The following TLR1 variants were observed in gnomAD, a reference collection of about 807,000 sequenced individuals.
TLR1 encodes toll-like receptor 1.
In TLR1, 19 loss-of-function variants were observed where a neutral mutation model predicts 20.2. The ratio of observed to expected loss-of-function variants is 0.94; its 90% CI spans 0.66 to 1.38. The LOEUF (loss-of-function observed/expected upper bound fraction) is 1.38. Ranked by LOEUF, TLR1 falls within the 40% of genes most tolerant of loss-of-function variation. TLR1 has a pLI of 0.00. For synonymous variants in TLR1, 320 were observed against 334.5 expected, an observed-to-expected ratio of 0.96 and a Z score of 0.47; for missense variants, 921 against 910.0, an observed-to-expected ratio of 1.01 and a Z score of -0.16.
Position 38,797,928 on chromosome 4 carries a change from A to G in TLR1, c.904T>C (p.Leu302=). Residue 302 remains leucine (L), a synonymous_variant, in exon 4 of 4, where the codon TTG becomes CTG. Coordinates refer to ENST00000308979, the MANE Select transcript of TLR1 (RefSeq NM_003263.4). ...FDYSGTSLKA[L]SIHQVVSDVF... is the part of the protein sequence containing the mutation. Reference sequence around the variant, plus strand: ...TCGCTGACAACTTGGTGTATAGACAAGGCCTTCAAGGAAGTGCCAGAATAA... The same window carrying G: ...TCGCTGACAACTTGGTGTATAGACAGGGCCTTCAAGGAAGTGCCAGAATAA... 2 of 1,614,188 alleles carry G rather than the reference A, an allele frequency of 1.2e-6. No individual in the cohort carries two copies. The highest frequency in any genetic ancestry group is 1.7e-6 in the Non-Finnish European group (2 of 1,180,022).
chr4:38,800,077 G>T (rs1384812030), intron 3 of TLR1, among the ~76,000 whole-genome samples: 1 of 152,152 alleles, frequency 6.6e-6, no homozygotes, highest in Admixed American at 6.5e-5. Flanking sequence ...GTTAGAGAAG[G>T]CCTTTTTGAG....
chr4:38,798,023 T>A lies in TLR1; in HGVS notation c.809A>T (p.His270Leu). The change falls in exon 4 of 4, where the codon CAT (histidine) becomes CTT (leucine). Residue 270 changes from histidine (H) to leucine (L), a missense_variant. Transcript: ENST00000308979. ...SFIRILQLVWHTTVWYFSISN... is the reference protein window; with the variant it reads ...SFIRILQLVWLTTVWYFSISN... ...AATTGAGAAATACCATACAGTTGTA[T>A]GCCAAACCAGCTGGAGGATCCTAAT... 1.9e-6 allele frequency: 3 copies of A among 1,614,184 alleles called. No individual in the cohort carries two copies. The South Asian group carries it at 3.3e-5, about 18-fold the overall frequency.
chr4:38,791,086 C>T (rs2109335030), exon 4 of TLR1: 1 of 152,320 alleles, frequency 6.6e-6, no homozygotes, highest in Admixed American at 6.5e-5. Flanking sequence ...AAGTCCATCA[C>T]ACAGTTCCAG....
At chr4:38,800,666 C>T (rs1385134476) in intron 3 of TLR1, 191 bp downstream of exon 3, 1 of 152,606 alleles carries the variant, frequency 6.6e-6, no homozygotes, top group African/African-American at 2.4e-5. Flanking sequence ...TCAAAATCCC[C>T]TAGAACCATT....
At chr4:38,789,867 G>A (rs1254701030), downstream of TLR1, among the ~76,000 whole-genome samples, 1 of 152,168 alleles carries the variant, frequency 6.6e-6, no homozygotes, top group Non-Finnish European at 1.5e-5. Flanking sequence ...TATGATCTAT[G>A]TAATGTTGGG....
chr4:38,797,046 TCACAGC>T lies in TLR1; in HGVS notation c.1780_1785del (p.Ala594_Val595del), dbSNP rs770960887. ...AAGTAGCTGCAGAGGGAGGTCACAG[TCACAGC>T]CAACACCAGCATGGTGGCAACGATG... On this transcript the variant is annotated inframe_deletion, in exon 4 of 4. Transcript: ENST00000308979. The T allele has an allele frequency of 9.4e-5, 151 of 1,614,046 alleles. No homozygotes were observed. The highest frequency in any genetic ancestry group is 1.2e-4 in the Non-Finnish European group (144 of 1,180,046).
At chr4:38,792,253 T>C (rs1247274235), downstream of TLR1, among the ~76,000 whole-genome samples, 6 of 152,214 alleles carry the variant, frequency 3.9e-5, no homozygotes, top group Non-Finnish European at 4.4e-5. Context: ...ATTGTTCCAC[T>C]GGAGAGACCT....
At chr4:38,791,495 C>T (rs1332621460), downstream of TLR1, among the ~76,000 whole-genome samples, 29 of 152,186 alleles carry the variant, frequency 1.9e-4, no homozygotes, top group Non-Finnish European at 7.4e-5. Context: ...TAACAGTTTA[C>T]TTCCCAATTT....
Position 38,798,401 on chromosome 4 carries a change from A to G in TLR1, c.431T>C (p.Leu144Pro), listed in dbSNP as rs117033348. The G allele has an allele frequency of 7.1e-4, 1,142 of 1,613,740 alleles. 19 individuals carry two copies. In the East Asian group the frequency reaches 0.025, roughly 36 times the overall value. ...TTCTAAGTGTGTGGTGCTCAACCCC[A>G]GAAATTTTAGTTGAGACATATTGCC... is the stretch of plus-strand genomic sequence containing the variant. The part of the protein sequence containing the change: ...EFGNMSQLKF[L>P]GLSTTHLEKS... Residue 144 changes from leucine (L) to proline (P), a missense_variant, in exon 4 of 4, where the codon CTG becomes CCG. Physicochemically the swap from Leu to Pro is moderately conservative, Grantham distance 98. Transcript: ENST00000308979.
At chr4:38,792,853 T>TTACATATATATATATATATATATA (rs1725795710), downstream of TLR1, among the ~76,000 whole-genome samples, 1 of 122,218 alleles carries the variant, frequency 8.2e-6, no homozygotes, top group Non-Finnish European at 1.8e-5. Context: ...TATTTTCAAA[T>TTACATATATATATATATATATATA]TATATATATA....
At chr4:38,788,504 C>T (rs2109333226), downstream of TLR1, among the ~76,000 whole-genome samples, 1 of 152,284 alleles carries the variant, frequency 6.6e-6, no homozygotes, top group East Asian at 1.9e-4. Flanking sequence ...TGTTTGCATC[C>T]AAGCCACATG....
Position 38,798,866 on chromosome 4 carries a change from G to A in TLR1, c.-35C>T. ...CTAGACATTCCTAAAGGTAGAAGCT[G>A]TTCTTCAGATCATCTTGATACAGAT... is the stretch of plus-strand genomic sequence containing the variant. On this transcript the variant is annotated 5_prime_UTR_variant, in exon 4 of 4. Transcript: ENST00000308979. 1.4e-6 allele frequency: 2 copies of A among 1,452,658 alleles called. No individual in the cohort carries two copies. The highest frequency in any genetic ancestry group is 2.7e-5 in the South Asian group (2 of 74,296). The allele number at this position is 1,452,658 out of a possible 1,614,324, so 90.0% of individuals were successfully genotyped here.
Position 38,796,309 on chromosome 4 carries a change from C to T in TLR1, c.*162G>A. On this transcript the variant is annotated 3_prime_UTR_variant, in exon 4 of 4. Coordinates refer to ENST00000308979, the MANE Select transcript of TLR1 (RefSeq NM_003263.4). ...TATATCATTTCATTAATTTTTAATA[C>T]CACATATAAATGGTGAACTGCGACC... is the stretch of plus-strand genomic sequence containing the variant. The T allele has an allele frequency of 2.9e-6, 2 of 699,378 alleles. No individual in the cohort carries two copies. The highest frequency in any genetic ancestry group is 4.6e-6 in the Non-Finnish European group (2 of 433,228). The allele number at this position is 699,378 out of a possible 1,614,324, so 43.3% of individuals were successfully genotyped here.
downstream of TLR1, among the ~76,000 whole-genome samples, chr4:38,795,671 C>T (rs369280487): frequency 3.3e-4 from 51 of 152,244 alleles, no homozygotes; most frequent in African/African-American, 1.2e-3. Context: ...GACAAATATT[C>T]AGTGGCAAGT....
In TLR1 at chr4:38,798,046, A is replaced by C. The variant is rs1292687914; in HGVS notation, c.786T>G (p.Ile262Met). The change falls in exon 4 of 4, where the codon ATT (isoleucine) becomes ATG (methionine). Residue 262 changes from isoleucine to methionine, a missense_variant. Transcript: ENST00000308979. ...TATGCCAAACCAGCTGGAGGATCCT[A>C]ATGAAAGAATTCCAAGTTGTTTCAA... Reference protein sequence around the residue: ...NNIETTWNSFIRILQLVWHTT... With the variant: ...NNIETTWNSFMRILQLVWHTT... The C allele has an allele frequency of 1.2e-6, 2 of 1,614,006 alleles. No homozygotes were observed. The highest frequency in any genetic ancestry group is 1.1e-5 in the South Asian group (1 of 91,068).
Position 38,798,385 on chromosome 4 carries a change from T to C in TLR1, c.447A>G (p.Thr149=). 6.2e-7 allele frequency: 1 copy of C among 1,613,820 alleles called. No individual in the cohort carries two copies. The highest frequency in any genetic ancestry group is 8.5e-7 in the Non-Finnish European group (1 of 1,179,862). The change falls in exon 4 of 4, where the codon ACA becomes ACG. Residue 149 remains threonine (T), a synonymous_variant. Transcript: ENST00000308979. ...GCAGCACACTAGATTTTTCTAAGTGTGTGGTGCTCAACCCCAGAAATTTTA... is the reference window on the plus strand; with the variant it reads ...GCAGCACACTAGATTTTTCTAAGTGCGTGGTGCTCAACCCCAGAAATTTTA... ...SQLKFLGLST[T]HLEKSSVLPI... is the part of the protein sequence containing the mutation.
downstream of TLR1, among the ~76,000 whole-genome samples, chr4:38,793,596 A>G (rs536952838): frequency 6.6e-6 from 1 of 152,312 alleles, no homozygotes; most frequent in South Asian, 2.1e-4. Context: ...AGCATCCTTA[A>G]AACCACTTAT....
rs1481800597 is a variant in TLR1, at chr4:38,797,664, T to C, written c.1168A>G (p.Ile390Val). 17 of 1,613,806 alleles carry C rather than the reference T, an allele frequency of 1.1e-5. No homozygotes were observed. The highest frequency in any genetic ancestry group is 1.3e-5 in the Non-Finnish European group (15 of 1,179,988). ...QMNQLKELSK[I>V]AEMTTQMKSL... ...TTCATCTGTGTAGTCATTTCAGCTA[T>C]TTTTGAAAGTTCTTTTAATTGATTC... The change falls in exon 4 of 4, where the codon ATA becomes GTA. Residue 390 changes from isoleucine to valine, a missense_variant. Physicochemically the swap from Ile to Val is conservative, Grantham distance 29 (BLOSUM62 3). Coordinates refer to ENST00000308979, the MANE Select transcript of TLR1 (RefSeq NM_003263.4).
Position 38,798,203 on chromosome 4 carries a change from A to C in TLR1, c.629T>G (p.Val210Gly). Residue 210 changes from valine (V) to glycine (G), a missense_variant, in exon 4 of 4, where the codon GTC becomes GGC. Transcript: ENST00000308979. ...TAGTTCCAGATTTGCTACAGTCTTGACTGACACATCCAAAATAAAATGGAA... is the reference window on the plus strand; with the variant it reads ...TAGTTCCAGATTTGCTACAGTCTTGCCTGACACATCCAAAATAAAATGGAA... The part of the protein sequence containing the change: ...KEFHFILDVS[V>G]KTVANLELSN... The C allele has an allele frequency of 6.2e-7, 1 of 1,614,054 alleles. No homozygotes were observed. The highest frequency in any genetic ancestry group is 8.5e-7 in the Non-Finnish European group (1 of 1,179,944).
Sources: gnomAD v4.1 joint callset for allele counts (sites outside exome capture counted in the v4.1 genomes callset) on GRCh38, gnomAD v4.1.1 for gene constraint, MANE v1.5 for transcripts, NCBI Gene and HGNC (gene_info 2026-07-23, HGNC 2026-07-21) for gene names.